LHX2: variants seen among roughly 807,000 people sequenced by gnomAD.
LHX2 encodes LIM homeobox 2, also known as LIM/homeobox protein Lhx2.
In LHX2, 6 loss-of-function variants were observed where a neutral mutation model predicts 33.0. That is an observed-to-expected ratio of 0.18 (90% CI 0.10 to 0.36). The LOEUF (loss-of-function observed/expected upper bound fraction) is 0.36, where lower values mean the gene tolerates loss of function less well. Among genes scored for constraint, LHX2 ranks in the 10% least tolerant of loss-of-function variants. LHX2 has a pLI of 1.00. For missense variants in LHX2, 442 were observed against 586.2 expected, an observed-to-expected ratio of 0.75 and a Z score of 2.54; for synonymous variants, 292 against 253.1, an observed-to-expected ratio of 1.15 and a Z score of -1.46.
chr9:124,015,350 C>G lies in LHX2; in HGVS notation c.552C>G (p.Ala184=). 4.3e-6 allele frequency: 7 copies of G among 1,611,672 alleles called. No homozygotes were observed. The highest frequency in any genetic ancestry group is 5.9e-6 in the Non-Finnish European group (7 of 1,178,696). Residue 184 remains alanine (A), a synonymous_variant, in exon 3 of 5, where the codon GCC becomes GCG. Transcript: ENST00000373615. The surrounding 1 kb of genome is among the most constrained non-coding windows in gnomAD (Gnocchi z 7.9). ...QGEYPAHFNH[A]DVAAAAAAAA... is the part of the protein sequence containing the mutation. The stretch of plus-strand genomic sequence containing the variant: ...AGTACCCCGCACACTTCAACCATGC[C>G]GACGTGGCAGCGGCGGCCGCTGCAG...
rs2118739483 is a variant in LHX2, at chr9:124,012,443, C to A, written c.95C>A (p.Ala32Asp). The A allele has an allele frequency of 6.6e-7, 1 of 1,513,328 alleles. No individual in the cohort carries two copies. 93.7% of individuals were successfully genotyped at this position (1,513,328 alleles called of 1,614,324 possible). Reference protein sequence around the residue: ...AKSEAPAISSAIDRGDTETTM... With the variant: ...AKSEAPAISSDIDRGDTETTM... ...AGCGAGGCTCCCGCCATCAGCTCCG[C>A]CATCGACCGCGGCGACACCGAGACG... The change falls in exon 1 of 5, where the codon GCC becomes GAC. Residue 32 changes from alanine to aspartate, a missense_variant. By Grantham distance (126) the Ala-to-Asp change is moderately radical. Around this residue, in one of 5 missense-constraint regions of LHX2, gnomAD observed 97 missense variants for 81.5 expected, o/e 1.19. Transcript: ENST00000373615. This position sits in a 1 kb window ranked among gnomAD's most constrained non-coding sequence, Gnocchi z 4.3.
At chr9:124,025,466 C>T (rs1432650333) in intron 4 of LHX2, among the ~76,000 whole-genome samples, 5 of 146,830 alleles carry the variant, frequency 3.4e-5, no homozygotes, top group African/African-American at 5.1e-5. Flanking sequence ...AAAAAAAAGA[C>T]TTTAAGCCTT....
chr9:124,030,627 CTTTT>C (rs35399092), intron 4 of LHX2, among the ~76,000 whole-genome samples: 5 of 105,594 alleles, frequency 4.7e-5, no homozygotes, highest in Non-Finnish European at 7.4e-5. Context: ...TTTTTCTTTT[CTTTT>C]TTTTTTTTTT....
At position 124,032,473 on chromosome 9, in the gene LHX2, A is replaced by G; in HGVS notation, c.987A>G (p.Glu329=). 1.9e-6 allele frequency: 3 copies of G among 1,609,112 alleles called. No homozygotes were observed. Among genetic ancestry groups the G allele is most frequent in the Non-Finnish European group, 2.5e-6 (3 of 1,178,612 alleles). The part of the protein sequence containing the change: ...AKFRRNLLRQ[E]NTGVDKSTDA... ...TCAGGCGCAACCTCTTACGGCAGGA[A>G]AACACGGGCGTGGACAAGTCGACAG... The change falls in exon 5 of 5, where the codon GAA becomes GAG. Residue 329 remains glutamate, a synonymous_variant. Transcript: ENST00000373615. This position sits in a 1 kb window ranked among gnomAD's most constrained non-coding sequence, Gnocchi z 4.1.
chr9:124,014,140 C>T lies in LHX2; in HGVS notation c.300C>T (p.Ile100=). ...CCTGTTTCAGCAAGGACGGTAGCAT[C>T]TACTGCAAGGAAGACTACTACAGGT... ...ELTCFSKDGS[I]YCKEDYYRRF... is the part of the protein sequence containing the mutation. Residue 100 remains isoleucine (I), a synonymous_variant, in exon 2 of 5, where the codon ATC becomes ATT. Transcript: ENST00000373615. The surrounding 1 kb of genome is among the most constrained non-coding windows in gnomAD (Gnocchi z 4.8). 6.2e-7 allele frequency: 1 copy of T among 1,613,386 alleles called. No individual in the cohort carries two copies. The highest frequency in any genetic ancestry group is 8.5e-7 in the Non-Finnish European group (1 of 1,180,010).
rs1859154603 is a variant in LHX2, at chr9:124,014,701, C to G, written c.324-421C>G. ...TTTAGGATTAGGGTCTATGTATATT[C>G]TCTCTGTCTCTGTCTCTACGTCTGT... On this transcript the variant is annotated intron_variant, in intron 2 of 4. Transcript: ENST00000373615. This position sits in a 1 kb window ranked among gnomAD's most constrained non-coding sequence, Gnocchi z 4.8. Among the ~76,000 whole-genome samples the G allele has an allele frequency of 6.6e-6, 1 of 152,178 alleles. No individual in the cohort carries two copies. Among genetic ancestry groups the G allele is most frequent in the Non-Finnish European group, 1.5e-5 (1 of 68,038 alleles).
chr9:124,018,579 CG>C (rs1163722605), intron 3 of LHX2, among the ~76,000 whole-genome samples: 1 of 152,210 alleles, frequency 6.6e-6, no homozygotes, highest in Non-Finnish European at 1.5e-5. Context: ...AGGCCTCCCC[CG>C]CAGGGACCGG....
chr9:124,032,346 G>A lies in LHX2; in HGVS notation c.934-74G>A. On this transcript the variant is annotated intron_variant, in intron 4 of 4. Coordinates refer to ENST00000373615, the MANE Select transcript of LHX2 (RefSeq NM_004789.4). This position sits in a 1 kb window ranked among gnomAD's most constrained non-coding sequence, Gnocchi z 4.1. ...GATCAGCGTCCCCAGAGGCAGCAGA[G>A]CTCTGAGTGAAGCAGTCGGGGGGAT... The A allele has an allele frequency of 6.8e-7, 1 of 1,474,368 alleles. No individual in the cohort carries two copies. The highest frequency in any genetic ancestry group is 9.1e-7 in the Non-Finnish European group (1 of 1,102,648). The allele number at this position is 1,474,368 out of a possible 1,614,324, so 91.3% of individuals were successfully genotyped here.
At chr9:124,021,385 G>A (rs1442987041) in intron 4 of LHX2, 81 bp downstream of exon 4, 2 of 1,274,748 alleles carry the variant, frequency 1.6e-6, no homozygotes, top group Admixed American at 2.0e-5. Context: ...GTGGGCCTTG[G>A]AAGGACCTTC....
Position 124,012,849 on chromosome 9 carries a change from G to T in LHX2, c.120+381G>T, listed in dbSNP as rs1859117102. ...GGCGCCGCGAGCGGCGCCAGGGAAGGGCGAACCAGCTGGGAGCATTGGGGC... is the reference window on the plus strand; with the variant it reads ...GGCGCCGCGAGCGGCGCCAGGGAAGTGCGAACCAGCTGGGAGCATTGGGGC... On this transcript the variant is annotated intron_variant, in intron 1 of 4. Coordinates refer to ENST00000373615, the MANE Select transcript of LHX2 (RefSeq NM_004789.4). This position sits in a 1 kb window ranked among gnomAD's most constrained non-coding sequence, Gnocchi z 4.3. Among the ~76,000 whole-genome samples, 1 of 152,194 alleles carries T rather than the reference G, an allele frequency of 6.6e-6. No individual in the cohort carries two copies.
rs552469372 is a variant in LHX2, at chr9:124,018,322, G to T, written c.728-2777G>T. Among the ~76,000 whole-genome samples, 10 of 149,508 alleles carry T rather than the reference G, an allele frequency of 6.7e-5. No homozygotes were observed. The East Asian group carries it at 2.0e-3, about 30-fold the overall frequency. Reference sequence around the variant, plus strand: ...AGCCCGGGTCCTCCCCCTCCCCTCGGCCCCTCGCTCCTCCCCGGATCCGAT... The same window carrying T: ...AGCCCGGGTCCTCCCCCTCCCCTCGTCCCCTCGCTCCTCCCCGGATCCGAT... On this transcript the variant is annotated intron_variant, in intron 3 of 4. Transcript: ENST00000373615.
rs1243334277 is a variant in LHX2, at chr9:124,015,738, C to T, written c.727+213C>T. Among the ~76,000 whole-genome samples, 1 of 152,240 alleles carries T rather than the reference C, an allele frequency of 6.6e-6. No homozygotes were observed. Among genetic ancestry groups the T allele is most frequent in the Non-Finnish European group, 1.5e-5 (1 of 68,040 alleles). On this transcript the variant is annotated intron_variant, in intron 3 of 4. Coordinates refer to ENST00000373615, the MANE Select transcript of LHX2 (RefSeq NM_004789.4). This position sits in a 1 kb window ranked among gnomAD's most constrained non-coding sequence, Gnocchi z 7.9. Reference sequence around the variant, plus strand: ...AGGGTGCAGTGGTCCCTTGCTGCTCCGGGTGCAGGGCCTTGTCTCTGATAA... The same window carrying T: ...AGGGTGCAGTGGTCCCTTGCTGCTCTGGGTGCAGGGCCTTGTCTCTGATAA...
intron 4 of LHX2, among the ~76,000 whole-genome samples, chr9:124,028,504 G>T (rs767564714): frequency 1.3e-5 from 2 of 152,182 alleles, no homozygotes; most frequent in African/African-American, 4.8e-5. Flanking sequence ...CATAGAGATC[G>T]TATGATGTGG....
rs1859189783 is a variant in LHX2, at chr9:124,016,313, C to T, written c.727+788C>T. Among the ~76,000 whole-genome samples the T allele has an allele frequency of 6.6e-6, 1 of 152,144 alleles. No individual in the cohort carries two copies. Among genetic ancestry groups the T allele is most frequent in the Admixed American group, 6.5e-5 (1 of 15,278 alleles). ...CAGGCCATTCCCGGAGAAGCTCTGC[C>T]CCCTCCCGCGCCCCTCCCTGCTCAG... On this transcript the variant is annotated intron_variant, in intron 3 of 4. Coordinates refer to ENST00000373615, the MANE Select transcript of LHX2 (RefSeq NM_004789.4). This position sits in a 1 kb window ranked among gnomAD's most constrained non-coding sequence, Gnocchi z 4.4.
chr9:124,015,427 G>C lies in LHX2; in HGVS notation c.629G>C (p.Gly210Ala). ...GLGAAGANPL[G>A]LPYYNGVGTV... The stretch of plus-strand genomic sequence containing the variant: ...GGCGCAGCAGGGGCCAACCCTCTGG[G>C]TCTTCCCTACTACAATGGCGTGGGC... Residue 210 changes from glycine to alanine, a missense_variant, in exon 3 of 5, where the codon GGT becomes GCT. Physicochemically the swap from Gly to Ala is moderately conservative, Grantham distance 60. Coordinates refer to ENST00000373615, the MANE Select transcript of LHX2 (RefSeq NM_004789.4). The surrounding 1 kb of genome is among the most constrained non-coding windows in gnomAD (Gnocchi z 7.9). 6.3e-7 allele frequency: 1 copy of C among 1,596,664 alleles called. No homozygotes were observed. The highest frequency in any genetic ancestry group is 1.1e-5 in the South Asian group (1 of 89,302).
intron 4 of LHX2, among the ~76,000 whole-genome samples, chr9:124,031,041 GT>G (rs1283231622): frequency 6.6e-6 from 1 of 152,164 alleles, no homozygotes; most frequent in African/African-American, 2.4e-5. Context: ...GTAAACCCAT[GT>G]TCTCTCACTG....
At chr9:124,031,074 C>T (rs1354551509) in intron 4 of LHX2, among the ~76,000 whole-genome samples, 1 of 152,160 alleles carries the variant, frequency 6.6e-6, no homozygotes, top group African/African-American at 2.4e-5. Context: ...AGACAGAGCT[C>T]AGCCCCAGCT....
In LHX2 at chr9:124,012,363, T is replaced by G; in HGVS notation, c.15T>G (p.Ser5Arg). 6.6e-7 allele frequency: 1 copy of G among 1,519,890 alleles called. No homozygotes were observed. Among genetic ancestry groups the G allele is most frequent in the Non-Finnish European group, 8.8e-7 (1 of 1,138,414 alleles). The allele number at this position is 1,519,890 out of a possible 1,614,324, so 94.2% of individuals were successfully genotyped here. A position where few individuals can be genotyped will look rare whatever the true frequency, so the allele number is the denominator to read the frequency against. ...GTCCCGCCGCGATGCTGTTCCACAG[T>G]CTGTCGGGCCCCGAGGTGCACGGGG... MLFH[S>R]LSGPEVHGVI... Residue 5 changes from serine to arginine, a missense_variant, in exon 1 of 5, where the codon AGT becomes AGG. Physicochemically the swap from Ser to Arg is moderately radical, Grantham distance 110. Coordinates refer to ENST00000373615, the MANE Select transcript of LHX2 (RefSeq NM_004789.4). This position sits in a 1 kb window ranked among gnomAD's most constrained non-coding sequence, Gnocchi z 4.3.
intron 4 of LHX2, among the ~76,000 whole-genome samples, chr9:124,025,748 C>G (rs1354796170): frequency 1.3e-5 from 2 of 152,124 alleles, no homozygotes; most frequent in Admixed American, 6.5e-5. Flanking sequence ...CTTTGGGAGG[C>G]TGAAGTGGGC....
Sources: gnomAD v4.1 joint callset for allele counts (sites outside exome capture counted in the v4.1 genomes callset) on GRCh38, gnomAD v4.1.1 for gene constraint, gnomAD v4.1.1 regional missense constraint, Gnocchi (gnomAD v3.1) non-coding constraint, MANE v1.5 for transcripts, NCBI Gene and HGNC (gene_info 2026-07-23, HGNC 2026-07-21) for gene names.